The following FAM186A variants were observed in gnomAD, a reference collection of about 807,000 sequenced individuals.
The protein encoded by FAM186A is protein FAM186A.
Under a neutral mutation model 216.8 loss-of-function variants are expected in FAM186A, and 163 were observed. The ratio of observed to expected loss-of-function variants is 0.75; its 90% CI spans 0.66 to 0.86. The LOEUF is 0.86. FAM186A is among the 40% of genes least tolerant of loss of function. The probability of loss-of-function intolerance (pLI) is 0.00; values close to 1 mark genes in which losing one functional copy is unlikely to be tolerated. For missense variants in FAM186A, 2,184 were observed against 2,746.2 expected (o/e 0.80, Z 4.58); for synonymous variants, 805 against 1,025.3 (o/e 0.79, Z 4.10).
At chr12:50,390,223 G>GT (rs1943344729) in intron 1 of FAM186A, among the ~76,000 whole-genome samples, 2 of 152,170 alleles carry the variant, frequency 1.3e-5, no homozygotes, top group Admixed American at 1.3e-4. Context: ...GTGCCCAGTA[G>GT]TCCCCCAAAA....
chr12:50,376,408 G>A (rs1051156970), intron 1 of FAM186A, among the ~76,000 whole-genome samples: 1 of 152,298 alleles, frequency 6.6e-6, no homozygotes, highest in Admixed American at 6.5e-5. Context: ...GCTCCTATCC[G>A]CAGGCAAGTC....
Position 50,363,288 on chromosome 12 carries a change from G to A in FAM186A, c.269C>T (p.Ser90Leu), listed in dbSNP as rs1480971300. Residue 90 changes from serine (S) to leucine (L), a missense_variant, in exon 2 of 8, where the codon TCG (serine) becomes TTG (leucine). By Grantham distance (145) the Ser-to-Leu change is moderately radical. Around this residue, in one of 7 missense-constraint regions of FAM186A, gnomAD observed 1,132 missense variants for 1,263.4 expected, o/e 0.90. Coordinates refer to ENST00000327337, the MANE Select transcript of FAM186A (RefSeq NM_001145475.3). ...AAGGGAGACATTCCTTTCAGAGGAC[G>A]AGTTAAAAACAAGAGTATAGCGAGT... ...IMTRYTLVFN[S>L]SSERNVSLTE... The A allele has an allele frequency of 1.3e-5, 20 of 1,551,318 alleles. No homozygotes were observed. The highest frequency in any genetic ancestry group is 2.4e-5 in the East Asian group (1 of 40,906).
intron 6 of FAM186A, 22 bp from the exon 7 acceptor site, chr12:50,330,780 G>GCTCTGATGA: frequency 6.7e-7 from 1 of 1,495,438 alleles, no homozygotes; most frequent in Non-Finnish European, 8.9e-7. Context: ...GCATAAATTG[G>GCTCTGATGA]GAACGCCAAA....
At chr12:50,356,287 TTC>T in intron 3 of FAM186A, 39 bp from the exon 4 acceptor site, 1 of 1,459,588 alleles carries the variant, frequency 6.9e-7, no homozygotes, top group East Asian at 2.5e-5. Flanking sequence ...TGGCATTTTT[TTC>T]TTTTGCATTG....
intron 4 of FAM186A, 60 bp downstream of exon 4, chr12:50,350,269 A>G: frequency 7.3e-7 from 1 of 1,378,336 alleles, no homozygotes; most frequent in Admixed American, 2.7e-5. Context: ...TGGGACAATG[A>G]CAGAAAATAT....
chr12:50,386,226 C>T (rs1478529658), intron 1 of FAM186A, among the ~76,000 whole-genome samples: 2 of 151,152 alleles, frequency 1.3e-5, no homozygotes, highest in East Asian at 3.9e-4. Flanking sequence ...GTCAGGAGAT[C>T]GAGATCAGCC....
At chr12:50,379,110 G>A (rs937767734) in intron 1 of FAM186A, among the ~76,000 whole-genome samples, 3 of 151,460 alleles carry the variant, frequency 2.0e-5, no homozygotes, top group Non-Finnish European at 4.4e-5. Flanking sequence ...TTTGAGACCG[G>A]CCTGGCCAAC....
Position 50,353,302 on chromosome 12 carries a change from T to C in FAM186A, c.3530A>G (p.Gln1177Arg). ...AGGGGTGAGAGGGATCCCCAGGGCC[T>C]GGGCCTGCTGAGGGGTAAGAGGGAT... ...LGIPLTPQQAQALGIPLTPQQ... is the reference protein window; with the variant it reads ...LGIPLTPQQARALGIPLTPQQ... The change falls in exon 4 of 8, where the codon CAG (glutamine) becomes CGG (arginine). Residue 1177 changes from glutamine (Q) to arginine (R), a missense_variant. By Grantham distance (43) the Gln-to-Arg change is conservative (BLOSUM62 1). Around this residue, in one of 7 missense-constraint regions of FAM186A, gnomAD observed 267 missense variants for 446.2 expected, o/e 0.60. Coordinates refer to ENST00000327337, the MANE Select transcript of FAM186A (RefSeq NM_001145475.3). 3 of 1,543,754 alleles carry C rather than the reference T, an allele frequency of 1.9e-6. No individual in the cohort carries two copies. The highest frequency in any genetic ancestry group is 1.4e-5 in the African/African-American group (1 of 72,192).
chr12:50,345,997 C>CAAAAAA (rs35925338), intron 4 of FAM186A, among the ~76,000 whole-genome samples: 1 of 120,812 alleles, frequency 8.3e-6, no homozygotes, highest in African/African-American at 3.1e-5. Flanking sequence ...GACTTTGCCT[C>CAAAAAA]AAAAAAAAAA....
chr12:50,394,101 G>A (rs1339215871), intron 1 of FAM186A, among the ~76,000 whole-genome samples: 1 of 151,600 alleles, frequency 6.6e-6, no homozygotes, highest in Admixed American at 6.6e-5. Context: ...TGTATTTTTA[G>A]TAGAGACCGG....
chr12:50,370,468 T>G (rs1453066035), intron 1 of FAM186A, among the ~76,000 whole-genome samples: 1 of 152,100 alleles, frequency 6.6e-6, no homozygotes, highest in Non-Finnish European at 1.5e-5. Flanking sequence ...TTCATACCCA[T>G]TAAGATGGCT....
Position 50,355,817 on chromosome 12 carries a change from G to A in FAM186A, c.1015C>T (p.Gln339Ter). The part of the protein sequence containing the change: ...QLIRSKIVIE[Q>*]LYAKLSTSST... ...GATGTGGACAATTTTGCATATAGTT[G>A]TTCTATAACAATTTTGGATCGAATA... The change falls in exon 4 of 8, where the codon CAA becomes TAA. Residue 339 changes from glutamine to a stop codon, truncating the protein, a stop_gained. Coordinates refer to ENST00000327337, the MANE Select transcript of FAM186A (RefSeq NM_001145475.3). LOFTEE classifies it high-confidence loss of function. The A allele has an allele frequency of 1.9e-6, 3 of 1,551,562 alleles. No homozygotes were observed. The highest frequency in any genetic ancestry group is 2.6e-6 in the Non-Finnish European group (3 of 1,146,966).
At position 50,352,166 on chromosome 12, in the gene FAM186A, T is replaced by A. The variant is rs1942897867; in HGVS notation, c.4666A>T (p.Ile1556Phe). The part of the protein sequence containing the change: ...QQVQALGIPL[I>F]PPQAQELEIP... Reference sequence around the variant, plus strand: ...TCCAATTCCTGAGCCTGCGGAGGGATGAGAGGGATCCCCAGGGCCTGGACC... The same window carrying A: ...TCCAATTCCTGAGCCTGCGGAGGGAAGAGAGGGATCCCCAGGGCCTGGACC... Residue 1556 changes from isoleucine (I) to phenylalanine (F), a missense_variant, in exon 4 of 8, where the codon ATC becomes TTC. By Grantham distance (21) the Ile-to-Phe change is conservative (BLOSUM62 0). Around this residue, in one of 7 missense-constraint regions of FAM186A, gnomAD observed 16 missense variants for 91.3 expected, o/e 0.18. Coordinates refer to ENST00000327337, the MANE Select transcript of FAM186A (RefSeq NM_001145475.3). The A allele has an allele frequency of 6.6e-7, 1 of 1,525,620 alleles. No individual in the cohort carries two copies. Among genetic ancestry groups the A allele is most frequent in the Non-Finnish European group, 8.8e-7 (1 of 1,136,386 alleles). 94.5% of individuals were successfully genotyped at this position (1,525,620 alleles called of 1,614,324 possible).
At chr12:50,331,941 C>A (rs984757064) in intron 5 of FAM186A, 120 bp from the exon 6 acceptor site, 2 of 818,412 alleles carry the variant, frequency 2.4e-6, no homozygotes, top group Non-Finnish European at 3.6e-6. Context: ...ATTTGCAAAT[C>A]CTCTCCCTAC....
chr12:50,353,455 T>A lies in FAM186A; in HGVS notation c.3377A>T (p.Gln1126Leu). Reference sequence around the variant, plus strand: ...AGGGATCCCCAGGGCCTGCGCCTGCTGAGGGGTGAAAAGGATCTCCAGGGC... The same window carrying A: ...AGGGATCCCCAGGGCCTGCGCCTGCAGAGGGGTGAAAAGGATCTCCAGGGC... ...AQALEILFTP[Q>L]QAQALGIPLT... The change falls in exon 4 of 8, where the codon CAG becomes CTG. Residue 1126 changes from glutamine to leucine, a missense_variant. Gln to Leu is a moderately radical substitution (Grantham distance 113). Transcript: ENST00000327337. 1 of 1,528,142 alleles carries A rather than the reference T, an allele frequency of 6.5e-7. No homozygotes were observed. Among genetic ancestry groups the A allele is most frequent in the South Asian group, 1.2e-5 (1 of 80,528 alleles). 94.7% of individuals were successfully genotyped at this position (1,528,142 alleles called of 1,614,324 possible). A position where few individuals can be genotyped will look rare whatever the true frequency, so the allele number is the denominator to read the frequency against.
intron 1 of FAM186A, among the ~76,000 whole-genome samples, chr12:50,367,444 G>A (rs967280630): frequency 6.7e-6 from 1 of 150,294 alleles, no homozygotes; most frequent in Non-Finnish European, 1.5e-5. Context: ...CGTGAACCTG[G>A]GAGGCAGAGC....
intron 1 of FAM186A, among the ~76,000 whole-genome samples, chr12:50,368,553 T>C (rs1943112457): frequency 6.6e-6 from 1 of 152,096 alleles, no homozygotes. Flanking sequence ...TGTTTATGGA[T>C]TGGAATATTT....
chr12:50,336,209 CTT>C (rs1184664547), intron 4 of FAM186A, among the ~76,000 whole-genome samples: 3 of 151,990 alleles, frequency 2.0e-5, no homozygotes, highest in Non-Finnish European at 4.4e-5. Context: ...AAGATTCTCC[CTT>C]TCTCTCTCTC....
intron 1 of FAM186A, among the ~76,000 whole-genome samples, chr12:50,376,916 T>C (rs2136103600): frequency 6.6e-6 from 1 of 152,066 alleles, no homozygotes; most frequent in East Asian, 1.9e-4. Context: ...AATTATTTTT[T>C]ATTTTTATTT....
Sources: allele counts gnomAD v4.1 joint callset (sites outside exome capture counted in the v4.1 genomes callset), GRCh38; gene constraint gnomAD v4.1.1; regional missense constraint gnomAD v4.1.1; transcripts MANE v1.5; gene names NCBI Gene and HGNC (gene_info 2026-07-23, HGNC 2026-07-21).